Variants in CACNG6 observed in about 807,000 individuals in gnomAD.
The protein encoded by CACNG6 is calcium voltage-gated channel auxiliary subunit gamma 6.
A neutral mutation model predicts 23.9 loss-of-function variants in CACNG6; 21 were observed. The ratio of observed to expected loss-of-function variants is 0.88; its 90% CI spans 0.62 to 1.26. The LOEUF is 1.26. CACNG6 is among the 50% of genes most tolerant of loss of function. The pLI is 0.00. For synonymous variants in CACNG6, 182 were observed against 168.9 expected (o/e 1.08, Z -0.60); for missense variants, 340 against 352.9 (o/e 0.96, Z 0.29).
upstream of CACNG6, among the ~76,000 whole-genome samples, chr19:53,991,412 C>G (rs1389450690): frequency 1.3e-5 from 2 of 151,876 alleles, no homozygotes; most frequent in East Asian, 3.9e-4. Flanking sequence ...GCCGCTCTTG[C>G]CCCTTAGTGA....
intron 3 of CACNG6, among the ~76,000 whole-genome samples, chr19:54,007,868 C>T (rs1458024921): frequency 1.3e-5 from 2 of 151,676 alleles, no homozygotes; most frequent in Non-Finnish European, 2.9e-5. Flanking sequence ...CCACTGCACT[C>T]CAGCCTGGGT....
intron 2 of CACNG6, among the ~76,000 whole-genome samples, chr19:53,999,232 T>C (rs1418478752): frequency 1.3e-5 from 2 of 152,164 alleles, no homozygotes; most frequent in Non-Finnish European, 1.5e-5. Flanking sequence ...AAAATCCTAC[T>C]AGAATCTTCC....
At chr19:54,005,961 G>C (rs1236767649) in intron 3 of CACNG6, among the ~76,000 whole-genome samples, 1 of 149,380 alleles carries the variant, frequency 6.7e-6, no homozygotes, top group Non-Finnish European at 1.5e-5. Flanking sequence ...GTGGCGGCGG[G>C]TGCCTGTAAT....
In CACNG6 at chr19:53,991,687, G is replaced by C. The variant is rs983905021; in HGVS notation, c.-1191G>C. ...CCGGACGCTTCGGAGGCAGCGCGGA[G>C]CTGGGGTCGGCGCGGGGCCGAGGCA... On this transcript the variant is annotated 5_prime_UTR_variant, in exon 1 of 4. Transcript: ENST00000252729. 6.6e-5 allele frequency among the ~76,000 whole-genome samples: 10 copies of C among 152,062 alleles called. No individual in the cohort carries two copies. The highest frequency in any genetic ancestry group is 1.3e-4 in the Non-Finnish European group (9 of 67,956).
intron 1 of CACNG6, among the ~76,000 whole-genome samples, 193 bp from the exon 2 acceptor site, chr19:53,998,046 A>G (rs1021827595): frequency 6.6e-6 from 1 of 152,144 alleles, no homozygotes; most frequent in African/African-American, 2.4e-5. Flanking sequence ...AGCCCCGGGT[A>G]GGAGTCCCAG....
At chr19:54,002,267 G>GTTTTTTTTTTTTTTTTTTTT (rs138464456) in intron 3 of CACNG6, among the ~76,000 whole-genome samples, 3 of 131,932 alleles carry the variant, frequency 2.3e-5, no homozygotes, top group African/African-American at 6.7e-5. Flanking sequence ...CTAATTTTCG[G>GTTTTTTTTTTTTTTTTTTTT]TTTTTTTGTT....
At chr19:53,997,946 G>T (rs192676276) in intron 1 of CACNG6, among the ~76,000 whole-genome samples, 103 of 152,260 alleles carry the variant, frequency 6.8e-4, no homozygotes, top group African/African-American at 2.2e-3. Flanking sequence ...GAAGGGGCCA[G>T]GAAAGAGATT....
chr19:54,002,701 A>T (rs1478940547), intron 3 of CACNG6, among the ~76,000 whole-genome samples: 1 of 152,168 alleles, frequency 6.6e-6, no homozygotes. Flanking sequence ...GAAACTGTTG[A>T]TATAAAAGTG....
chr19:53,996,778 T>C (rs1192013102), intron 1 of CACNG6, among the ~76,000 whole-genome samples: 1 of 152,192 alleles, frequency 6.6e-6, no homozygotes, highest in Non-Finnish European at 1.5e-5. Flanking sequence ...AGATATGTAT[T>C]TTGACTTGGA....
chr19:54,003,352 T>G (rs2069599938), intron 3 of CACNG6, among the ~76,000 whole-genome samples: 1 of 151,982 alleles, frequency 6.6e-6, no homozygotes, highest in South Asian at 2.1e-4. Flanking sequence ...CGCATGCCTT[T>G]TTATTTATTT....
Position 54,011,987 on chromosome 19 carries a change from A to G in CACNG6, c.581A>G (p.His194Arg). Residue 194 changes from histidine to arginine, a missense_variant, in exon 4 of 4, where the codon CAT (histidine) becomes CGT (arginine). Transcript: ENST00000252729. ...TTGGTGAGCCTGGAGGTGTTCCGGC[A>G]TTCCGTGAGGGCCCTGCTGCAGAGA... ...LLLVSLEVFR[H>R]SVRALLQRVS... 1 of 1,588,552 alleles carries G rather than the reference A, an allele frequency of 6.3e-7. No homozygotes were observed. The highest frequency in any genetic ancestry group is 1.1e-5 in the South Asian group (1 of 88,132).
chr19:53,998,696 G>A (rs2069546665), intron 2 of CACNG6, among the ~76,000 whole-genome samples: 1 of 151,984 alleles, frequency 6.6e-6, no homozygotes, highest in African/African-American at 2.4e-5. Flanking sequence ...ATTTTTAGTA[G>A]AGATGGGGTT....
At chr19:53,998,430 A>G in intron 2 of CACNG6, 117 bp downstream of exon 2, 4 of 840,482 alleles carry the variant, frequency 4.8e-6, no homozygotes, top group Non-Finnish European at 3.8e-6. Context: ...TCTCGTGTCT[A>G]TAATCTGTGG....
chr19:53,994,907 T>C (rs1283951036), intron 1 of CACNG6, among the ~76,000 whole-genome samples: 4 of 152,152 alleles, frequency 2.6e-5, no homozygotes, highest in Non-Finnish European at 2.9e-5. Context: ...TCTCAAACTT[T>C]TGCAAAATGG....
intron 3 of CACNG6, among the ~76,000 whole-genome samples, chr19:54,004,594 A>G (rs980627806): frequency 6.6e-6 from 1 of 152,114 alleles, no homozygotes; most frequent in South Asian, 2.1e-4. Flanking sequence ...TCCTACTGCT[A>G]GAATAACATG....
Position 54,004,333 on chromosome 19 carries a change from TTTTGTGTGTGTGTG to T in CACNG6, c.544+4564_544+4577del, listed in dbSNP as rs1443843761. On this transcript the variant is annotated intron_variant, in intron 3 of 3. Transcript: ENST00000252729. Reference sequence around the variant, plus strand: ...CCACCACGCCTGGTTAATTTTGTATTTTTGTGTGTGTGTGTGTGTGTGTGTGTGTGTGTGTGTGT... The same window carrying T: ...CCACCACGCCTGGTTAATTTTGTATTTGTGTGTGTGTGTGTGTGTGTGTGT... Among the ~76,000 whole-genome samples the T allele has an allele frequency of 4.5e-4, 47 of 104,344 alleles. 1 individual carries two copies. The highest frequency in any genetic ancestry group is 1.5e-3 in the African/African-American group (28 of 18,592). The allele number at this position is 104,344 out of a possible 152,430, so 68.5% of individuals were successfully genotyped here.
rs78499929 is a variant in CACNG6 at position 54,004,740 on chromosome 19, C to T, written c.544+4969C>T. Among the ~76,000 whole-genome samples the T allele has an allele frequency of 5.2e-3, 797 of 152,210 alleles. 10 individuals carry two copies. The highest frequency in any genetic ancestry group is 0.019 in the African/African-American group (777 of 41,534). ...GCTCATTCCTCCCGCAGCGTGTTTT[C>T]CCGGGCTGCCTCCTCGGCCTGGAGC... is the stretch of plus-strand genomic sequence containing the variant. On this transcript the variant is annotated intron_variant, in intron 3 of 3. Transcript: ENST00000252729.
At position 54,011,985 on chromosome 19, in the gene CACNG6, G is replaced by A; in HGVS notation, c.579G>A (p.Arg193=). 2 of 1,586,864 alleles carry A rather than the reference G, an allele frequency of 1.3e-6. No homozygotes were observed. Reference sequence around the variant, plus strand: ...TCTTGGTGAGCCTGGAGGTGTTCCGGCATTCCGTGAGGGCCCTGCTGCAGA... The same window carrying A: ...TCTTGGTGAGCCTGGAGGTGTTCCGACATTCCGTGAGGGCCCTGCTGCAGA... ...LLLLVSLEVF[R]HSVRALLQRV... Residue 193 remains arginine (R), a synonymous_variant, in exon 4 of 4, where the codon CGG becomes CGA. Coordinates refer to ENST00000252729, the MANE Select transcript of CACNG6 (RefSeq NM_145814.2).
chr19:54,003,237 C>G (rs2069598408), intron 3 of CACNG6, among the ~76,000 whole-genome samples: 1 of 152,170 alleles, frequency 6.6e-6, no homozygotes, highest in African/African-American at 2.4e-5. Context: ...GCATAAAGGT[C>G]TTCAAGCCTG....
Sources: allele counts gnomAD v4.1 joint callset (sites outside exome capture counted in the v4.1 genomes callset), GRCh38; gene constraint gnomAD v4.1.1; transcripts MANE v1.5; gene names NCBI Gene and HGNC (gene_info 2026-07-23, HGNC 2026-07-21).